Variants in EPS8 observed in about 807,000 individuals in gnomAD.
EPS8 encodes the protein EGFR pathway substrate 8, signaling adaptor.
A neutral mutation model predicts 103.8 loss-of-function variants in EPS8; 42 were observed. That is an observed-to-expected ratio of 0.40 (90% CI 0.32 to 0.52). The LOEUF is 0.52. Among genes scored for constraint, EPS8 ranks in the 20% least tolerant of loss-of-function variants. The pLI is 0.40. For synonymous variants in EPS8, 344 were observed against 344.6 expected, an observed-to-expected ratio of 1.00 and a Z score of 0.02; for missense variants, 969 against 1,005.1, an observed-to-expected ratio of 0.96 and a Z score of 0.49.
chr12:15,671,656 T>C (rs1192991963), intron 3 of EPS8: 1 of 152,126 alleles, frequency 6.6e-6, no homozygotes, highest in Non-Finnish European at 1.5e-5. Flanking sequence ...AAAATGTATG[T>C]CGGCAATATT....
In EPS8 at chr12:15,623,238, TGAGA is replaced by T; in HGVS notation, c.2271_2274del (p.Leu758IlefsTer5). 1 of 1,613,122 alleles carries T rather than the reference TGAGA, an allele frequency of 6.2e-7. No individual in the cohort carries two copies. The highest frequency in any genetic ancestry group is 8.5e-7 in the Non-Finnish European group (1 of 1,179,450). The stretch of plus-strand genomic sequence containing the variant: ...CAGACTGTCCTCAGTTCATCCTTAT[TGAGA>T]GAGAAAAGTTGTGCACCATTTAATA... On this transcript the variant is annotated frameshift_variant, in exon 20 of 21. Transcript: ENST00000281172. LOFTEE classifies it high-confidence loss of function.
chr12:15,722,874 C>G (rs549069378), intron 1 of EPS8, among the ~76,000 whole-genome samples: 1 of 152,198 alleles, frequency 6.6e-6, no homozygotes, highest in South Asian at 2.1e-4. Flanking sequence ...CTTCTTCATA[C>G]TATCACATCG....
chr12:15,763,689 G>A (rs991100319), intron 1 of EPS8, among the ~76,000 whole-genome samples: 8 of 152,064 alleles, frequency 5.3e-5, no homozygotes, highest in Admixed American at 1.3e-4. Flanking sequence ...ATATGCACAC[G>A]CTGCATGGCA....
At chr12:15,709,541 A>C (rs144739250) in intron 1 of EPS8, among the ~76,000 whole-genome samples, 5 of 152,370 alleles carry the variant, frequency 3.3e-5, no homozygotes, top group East Asian at 3.9e-4. Flanking sequence ...AATTTCATAT[A>C]ATGGGAAATG....
At chr12:15,711,415 A>G (rs1414956659) in intron 1 of EPS8, among the ~76,000 whole-genome samples, 1 of 152,184 alleles carries the variant, frequency 6.6e-6, no homozygotes, top group Non-Finnish European at 1.5e-5. Flanking sequence ...AATTTGCTTA[A>G]GTTAAACTGA....
At chr12:15,746,502 T>A (rs866532529) in intron 1 of EPS8, among the ~76,000 whole-genome samples, 1 of 152,160 alleles carries the variant, frequency 6.6e-6, no homozygotes, top group Non-Finnish European at 1.5e-5. Context: ...CAATTTTAAA[T>A]AACTTCCCCC....
rs1437120748 is a variant in EPS8, at chr12:15,759,137, A to G, written c.-22+30024T>C. Among the ~76,000 whole-genome samples the G allele has an allele frequency of 6.6e-6, 1 of 152,138 alleles. No homozygotes were observed. Among genetic ancestry groups the G allele is most frequent in the African/African-American group, 2.4e-5 (1 of 41,452 alleles). ...AGCTTATGTGTTAATATTTCATAAT[A>G]TGGTATTGTTATATCCCCTATGTTT... is the stretch of plus-strand genomic sequence containing the variant. On this transcript the variant is annotated intron_variant, in intron 1 of 20. Transcript: ENST00000281172. This position sits in a 1 kb window ranked among gnomAD's most constrained non-coding sequence, Gnocchi z 4.9.
intron 1 of EPS8, among the ~76,000 whole-genome samples, chr12:15,724,153 C>T (rs980288915): frequency 2.6e-5 from 4 of 152,122 alleles, no homozygotes; most frequent in Non-Finnish European, 5.9e-5. Context: ...ATCTCAGACT[C>T]CCAGGATAAA....
intron 1 of EPS8, among the ~76,000 whole-genome samples, chr12:15,740,685 G>C (rs1430761981): frequency 6.6e-6 from 1 of 152,086 alleles, no homozygotes; most frequent in Admixed American, 6.6e-5. Flanking sequence ...AGCCAGTACA[G>C]GCTAAAGAAT....
intron 1 of EPS8, among the ~76,000 whole-genome samples, chr12:15,754,984 G>A (rs192266028): frequency 1.3e-5 from 2 of 152,240 alleles, no homozygotes. Context: ...TAAACCTTGC[G>A]ACTGCAAATC....
At position 15,676,259 on chromosome 12, in the gene EPS8, CAAAAAAAAAAAAAAAA is replaced by C. The variant is rs888576581; in HGVS notation, c.136+4951_136+4966del. Reference sequence around the variant, plus strand: ...TGGGCGACAGGGCAAGACTCCATCTCAAAAAAAAAAAAAAAAAAAAAAAAAAGACTCTCAAGTCCCC... The same window carrying C: ...TGGGCGACAGGGCAAGACTCCATCTCAAAAAAAAAAGACTCTCAAGTCCCC... On this transcript the variant is annotated intron_variant, in intron 3 of 20. Transcript: ENST00000281172. Among the ~76,000 whole-genome samples, 3 of 16,320 alleles carry C rather than the reference CAAAAAAAAAAAAAAAA, an allele frequency of 1.8e-4. No individual in the cohort carries two copies. In the South Asian group the frequency reaches 5.7e-3, roughly 31 times the overall value. The allele number at this position is 16,320 out of a possible 152,430, so 10.7% of individuals were successfully genotyped here.
chr12:15,728,409 T>C lies in EPS8; in HGVS notation c.-21-45437A>G, dbSNP rs1395728249. The C allele has an allele frequency of 6.6e-6, 1 of 152,132 alleles. No homozygotes were observed. The allele number at this position is 152,132 out of a possible 1,614,324, so 9.4% of individuals were successfully genotyped here. ...ATGAAGCTTAAAGAAACTACAGCAGTGGCCCTTTTAAGAACACTGGATCCC... is the reference window on the plus strand; with the variant it reads ...ATGAAGCTTAAAGAAACTACAGCAGCGGCCCTTTTAAGAACACTGGATCCC... On this transcript the variant is annotated intron_variant, in intron 1 of 20. Coordinates refer to ENST00000281172, the MANE Select transcript of EPS8 (RefSeq NM_004447.6). This position sits in a 1 kb window ranked among gnomAD's most constrained non-coding sequence, Gnocchi z 4.5.
rs529975900 is a variant in EPS8, at chr12:15,709,184, C to G, written c.-21-26212G>C. On this transcript the variant is annotated intron_variant, in intron 1 of 20. Coordinates refer to ENST00000281172, the MANE Select transcript of EPS8 (RefSeq NM_004447.6). ...TAGAAGAAACAAGACAAAACCACCT[C>G]TAACCCATCATAGTAAGAGATAGAC... 6.6e-5 allele frequency among the ~76,000 whole-genome samples: 10 copies of G among 152,304 alleles called. No homozygotes were observed. In the South Asian group the frequency reaches 1.9e-3, roughly 28 times the overall value.
Position 15,701,766 on chromosome 12 carries a change from A to G in EPS8, c.-21-18794T>C, listed in dbSNP as rs539085492. The stretch of plus-strand genomic sequence containing the variant: ...GGAAATATCTCACAGACCTATAAAA[A>G]CACCAAAATGATACTGCCCTGGACA... On this transcript the variant is annotated intron_variant, in intron 1 of 20. Transcript: ENST00000281172. The surrounding 1 kb of genome is among the most constrained non-coding windows in gnomAD (Gnocchi z 5.1). Among the ~76,000 whole-genome samples the G allele has an allele frequency of 6.6e-6, 1 of 152,312 alleles. No homozygotes were observed. Among genetic ancestry groups the G allele is most frequent in the East Asian group, 1.9e-4 (1 of 5,186 alleles).
At chr12:15,707,407 A>T (rs183461193) in intron 1 of EPS8, among the ~76,000 whole-genome samples, 2 of 152,214 alleles carry the variant, frequency 1.3e-5, no homozygotes, top group Non-Finnish European at 2.9e-5. Context: ...TTACTCATCG[A>T]TTCTACCCTT....
At chr12:15,660,852 C>T (rs936773612) in intron 9 of EPS8, 112 bp from the exon 10 acceptor site, 6 of 605,006 alleles carry the variant, frequency 9.9e-6, no homozygotes, top group African/African-American at 7.5e-5. Flanking sequence ...AGCCCACATG[C>T]CAATTTCAAG....
Position 15,645,931 on chromosome 12 carries a change from A to T in EPS8, c.1568+1196T>A, listed in dbSNP as rs1000140712. ...AATCATCTGAATTACTGGAGTGATA[A>T]AACAAAAAGAAACCTATTAATCTGA... On this transcript the variant is annotated intron_variant, in intron 15 of 20. Coordinates refer to ENST00000281172, the MANE Select transcript of EPS8 (RefSeq NM_004447.6). 2.0e-5 allele frequency among the ~76,000 whole-genome samples: 3 copies of T among 152,330 alleles called. No individual in the cohort carries two copies. In the East Asian group the frequency reaches 5.8e-4, roughly 29 times the overall value.
rs1022741553 is a variant in EPS8 at position 15,780,849 on chromosome 12, C to T, written c.-22+8312G>A. ...AATAAACAAATGAAATGTAGTAATG[C>T]TCAACTTCCTATGTGAGGAAAACTC... is the stretch of plus-strand genomic sequence containing the variant. On this transcript the variant is annotated intron_variant, in intron 1 of 20. Coordinates refer to ENST00000281172, the MANE Select transcript of EPS8 (RefSeq NM_004447.6). This position sits in a 1 kb window ranked among gnomAD's most constrained non-coding sequence, Gnocchi z 4.1. 1 of 152,152 alleles carries T rather than the reference C, an allele frequency of 6.6e-6. No homozygotes were observed. Among genetic ancestry groups the T allele is most frequent in the African/African-American group, 2.4e-5 (1 of 41,450 alleles). The allele number at this position is 152,152 out of a possible 1,614,324, so 9.4% of individuals were successfully genotyped here. A position where few individuals can be genotyped will look rare whatever the true frequency, so the allele number is the denominator to read the frequency against.
intron 1 of EPS8, among the ~76,000 whole-genome samples, chr12:15,770,055 A>T (rs1434650959): frequency 6.6e-6 from 1 of 151,114 alleles, no homozygotes; most frequent in Non-Finnish European, 1.5e-5. Context: ...TAATCCTCTC[A>T]TATCAGCCTC....
Sources: allele counts gnomAD v4.1 joint callset (sites outside exome capture counted in the v4.1 genomes callset), GRCh38; gene constraint gnomAD v4.1.1; non-coding constraint Gnocchi (gnomAD v3.1); transcripts MANE v1.5; gene names NCBI Gene and HGNC (gene_info 2026-07-23, HGNC 2026-07-21).